Variants in WDR47 observed in about 807,000 individuals in gnomAD.
WDR47 encodes the protein WD repeat domain 47.
Under a neutral mutation model 97.2 loss-of-function variants are expected in WDR47, and 32 were observed. The observed-to-expected ratio is 0.33, with a 90% confidence interval of 0.25 to 0.44. WDR47 has a LOEUF of 0.44. WDR47 is among the 20% of genes least tolerant of loss of function. The probability of loss-of-function intolerance (pLI) is 1.00; values close to 1 mark genes in which losing one functional copy is unlikely to be tolerated. For synonymous variants in WDR47, 375 were observed against 373.5 expected, an observed-to-expected ratio of 1.00 and a Z score of -0.05; for missense variants, 782 against 1,102.3, an observed-to-expected ratio of 0.71 and a Z score of 4.11.
At chr1:109,020,238 T>TTG (rs1368126290) in intron 2 of WDR47, among the ~76,000 whole-genome samples, 29 of 149,726 alleles carry the variant, frequency 1.9e-4, no homozygotes, top group Non-Finnish European at 3.3e-4. Context: ...TTTAGTTGTT[T>TTG]TTTTTTTTTT....
intron 1 of WDR47, among the ~76,000 whole-genome samples, chr1:109,031,358 G>A (rs1400171271): frequency 1.4e-5 from 2 of 139,906 alleles, no homozygotes; most frequent in Non-Finnish European, 3.2e-5. Flanking sequence ...ACTATAAAAA[G>A]AAACTAATAT....
At chr1:108,998,839 T>A (rs1419891162) in intron 7 of WDR47, among the ~76,000 whole-genome samples, 1 of 152,212 alleles carries the variant, frequency 6.6e-6, no homozygotes, top group African/African-American at 2.4e-5. Flanking sequence ...AAGCACATTT[T>A]ATAGATTCTA....
intron 1 of WDR47, 110 bp from the exon 2 acceptor site, chr1:109,023,631 T>C (rs2102000076): frequency 3.7e-6 from 4 of 1,084,182 alleles, no homozygotes; most frequent in African/African-American, 3.1e-5. Flanking sequence ...AGTACACATA[T>C]TCTGAAGTGA....
At chr1:109,037,929 C>A (rs913169593) in intron 1 of WDR47, among the ~76,000 whole-genome samples, 1 of 151,996 alleles carries the variant, frequency 6.6e-6, no homozygotes, top group Non-Finnish European at 1.5e-5. Context: ...TCCACCCAGG[C>A]TCAAGTGATT....
At chr1:108,998,604 C>T (rs1052623565) in intron 7 of WDR47, among the ~76,000 whole-genome samples, 15 of 151,844 alleles carry the variant, frequency 9.9e-5, no homozygotes, top group Non-Finnish European at 1.6e-4. Flanking sequence ...ATCAATGGTG[C>T]CAATTATTAG....
chr1:109,020,838 A>G (rs34969457), intron 2 of WDR47, among the ~76,000 whole-genome samples: 16,063 of 150,910 alleles, frequency 0.11, 980 homozygotes, highest in African/African-American at 0.15. Flanking sequence ...TATTGCTGTT[A>G]TTGTTGTTGT....
intron 1 of WDR47, among the ~76,000 whole-genome samples, chr1:109,040,242 T>C (rs1663262259): frequency 1.3e-5 from 2 of 152,200 alleles, no homozygotes; most frequent in African/African-American, 4.8e-5. Context: ...TTCAGCTTAC[T>C]GATCTACTAA....
chr1:109,037,972 A>T (rs1252866514), intron 1 of WDR47, among the ~76,000 whole-genome samples: 1 of 151,778 alleles, frequency 6.6e-6, no homozygotes, highest in Non-Finnish European at 1.5e-5. Context: ...AGCTAGGACC[A>T]CAGGTGTGCA....
chr1:108,982,615 G>C lies in WDR47; in HGVS notation c.2260C>G (p.His754Asp). The change falls in exon 12 of 15, where the codon CAT becomes GAT. Residue 754 changes from histidine to aspartate, a missense_variant. His to Asp is a moderately conservative substitution (Grantham distance 81). Around this residue, in one of 3 missense-constraint regions of WDR47, gnomAD observed 228 missense variants for 396.7 expected, o/e 0.57. Coordinates refer to ENST00000369962, the MANE Select transcript of WDR47 (RefSeq NM_001142551.2). Reference sequence around the variant, plus strand: ...TGAAACTGATATTACATACCAGTATGTCCACTCAAAGCATGGAGGCCCTGT... The same window carrying C: ...TGAAACTGATATTACATACCAGTATCTCCACTCAAAGCATGGAGGCCCTGT... ...RGQGLHALSG[H>D]TGHILALYTW... 1 of 1,600,340 alleles carries C rather than the reference G, an allele frequency of 6.2e-7. No homozygotes were observed. The highest frequency in any genetic ancestry group is 8.5e-7 in the Non-Finnish European group (1 of 1,176,456).
rs367672260 is a variant in WDR47, at chr1:109,011,638, C to A, written c.408G>T (p.Lys136Asn). The change falls in exon 5 of 15, where the codon AAG becomes AAT. Residue 136 changes from lysine to asparagine, a missense_variant. By Grantham distance (94) the Lys-to-Asn change is moderately conservative. This residue lies in a region of WDR47 where 428 missense variants were observed against 584.3 expected (regional missense o/e 0.73). Coordinates refer to ENST00000369962, the MANE Select transcript of WDR47 (RefSeq NM_001142551.2). The stretch of plus-strand genomic sequence containing the variant: ...GAGGCAAAGTCAAAAGCAAACAGAG[C>A]TTACTATAGTCATCTTTAGAAGGAC... ...EYCPSKDDYS[K>N]LCLLLTLPRL... The A allele has an allele frequency of 6.2e-7, 1 of 1,614,034 alleles. No individual in the cohort carries two copies. The highest frequency in any genetic ancestry group is 8.5e-7 in the Non-Finnish European group (1 of 1,180,038).
In WDR47 at chr1:109,020,900, T is replaced by TC. The variant is rs549928352; in HGVS notation, c.158+2454_158+2455insG. On this transcript the variant is annotated intron_variant, in intron 2 of 14. Transcript: ENST00000369962. The stretch of plus-strand genomic sequence containing the variant: ...AGGAACACTTCATTTTTTTTTTTTT[T>TC]TCTGAGATGGAGTTTCCTTCTTGTC... Among the ~76,000 whole-genome samples, 54 of 151,702 alleles carry TC rather than the reference T, an allele frequency of 3.6e-4. 1 individual carries two copies. The South Asian group carries it at 7.3e-3, about 21-fold the overall frequency.
intron 9 of WDR47, among the ~76,000 whole-genome samples, chr1:108,990,374 A>G (rs1337981212): frequency 6.6e-6 from 1 of 151,656 alleles, no homozygotes; most frequent in African/African-American, 2.4e-5. Flanking sequence ...ATGCCTGGCT[A>G]ATTTTTGTAT....
intron 1 of WDR47, among the ~76,000 whole-genome samples, chr1:109,040,728 T>C (rs1571277532): frequency 6.6e-6 from 1 of 152,288 alleles, no homozygotes; most frequent in African/African-American, 2.4e-5. Context: ...CTCGACAATA[T>C]GCCATATAAA....
At chr1:109,039,601 A>G (rs1343964711) in intron 1 of WDR47, among the ~76,000 whole-genome samples, 1 of 152,160 alleles carries the variant, frequency 6.6e-6, no homozygotes, top group African/African-American at 2.4e-5. Context: ...TTGAACAGAA[A>G]CAAACTCAAC....
At chr1:108,992,973 A>T in intron 8 of WDR47, 2 of 644,554 alleles carry the variant, frequency 3.1e-6, no homozygotes, top group Non-Finnish European at 5.3e-6. Flanking sequence ...CCCATGAAAT[A>T]CCCAGAAGAA....
At chr1:109,040,808 C>CA (rs962683829) in intron 1 of WDR47, among the ~76,000 whole-genome samples, 12 of 152,024 alleles carry the variant, frequency 7.9e-5, no homozygotes, top group African/African-American at 2.4e-4. Context: ...ACACTGGAGA[C>CA]AAAAAAATTC....
chr1:108,998,219 C>T (rs1327201199), intron 7 of WDR47, among the ~76,000 whole-genome samples: 1 of 152,072 alleles, frequency 6.6e-6, no homozygotes, highest in Non-Finnish European at 1.5e-5. Context: ...AATGCTAATA[C>T]AGGCCAGGCA....
chr1:108,970,312 C>G lies in WDR47; in HGVS notation c.*1118G>C, dbSNP rs1283333086. The G allele has an allele frequency of 6.6e-6, 1 of 152,576 alleles. No homozygotes were observed. Among genetic ancestry groups the G allele is most frequent in the Non-Finnish European group, 1.5e-5 (1 of 68,044 alleles). The allele number at this position is 152,576 out of a possible 1,614,324, so 9.5% of individuals were successfully genotyped here. Reference sequence around the variant, plus strand: ...ACAGATGAAAAATGCTTGCTACATACAGTGCACAGACAGTTCAATAATGAG... The same window carrying G: ...ACAGATGAAAAATGCTTGCTACATAGAGTGCACAGACAGTTCAATAATGAG... On this transcript the variant is annotated 3_prime_UTR_variant, in exon 15 of 15. Coordinates refer to ENST00000369962, the MANE Select transcript of WDR47 (RefSeq NM_001142551.2).
intron 1 of WDR47, chr1:109,025,080 T>C (rs1284702629): frequency 6.6e-6 from 1 of 152,150 alleles, no homozygotes; most frequent in Non-Finnish European, 1.5e-5. Flanking sequence ...TTTTTGTTTA[T>C]AACAAGAAAT....
Sources: gnomAD v4.1 joint callset for allele counts (sites outside exome capture counted in the v4.1 genomes callset) on GRCh38, gnomAD v4.1.1 for gene constraint, gnomAD v4.1.1 regional missense constraint, MANE v1.5 for transcripts, NCBI Gene and HGNC (gene_info 2026-07-23, HGNC 2026-07-21) for gene names.